The following ATXN8OS variants were observed in gnomAD, a reference collection of about 807,000 sequenced individuals.
ATXN8OS encodes ATXN8 opposite strand (non-protein coding).
intron 1 of ATXN8OS, among the ~76,000 whole-genome samples, chr13:70,108,942 G>A: frequency 6.6e-6 from 1 of 152,206 alleles, no homozygotes; most frequent in East Asian, 1.9e-4. Context: ...TGGGGCCAGA[G>A]GCGTACGGTA....
intron 3 of ATXN8OS, among the ~76,000 whole-genome samples, chr13:70,141,821 G>A (rs1440340407): frequency 6.6e-6 from 1 of 151,664 alleles, no homozygotes; most frequent in South Asian, 2.1e-4. Context: ...TGTTTCAGAA[G>A]GTCAGTATGA....
Position 70,139,436 on chromosome 13 carries a change from T to A in ATXN8OS, n.500-7919T>A, listed in dbSNP as rs538173757. The A allele has an allele frequency of 1.4e-4, 109 of 757,358 alleles. 7 individuals carry two copies. The highest frequency in any genetic ancestry group is 7.5e-4 in the African/African-American group (43 of 57,472). 46.9% of individuals were successfully genotyped at this position (757,358 alleles called of 1,614,324 possible). On this transcript the variant is annotated intron_variant and non_coding_transcript_variant, in intron 3 of 4. Coordinates refer to ENST00000678624, the Ensembl canonical transcript of ATXN8OS. ...CTGCTGCTGCTGCTGCTGCATTTTTTAAAAATATATTATCTTATTTTACTA... is the reference window on the plus strand; with the variant it reads ...CTGCTGCTGCTGCTGCTGCATTTTTAAAAAATATATTATCTTATTTTACTA...
intron 4 of ATXN8OS, among the ~76,000 whole-genome samples, chr13:70,156,120 G>A (rs1032138414): frequency 6.8e-6 from 1 of 146,414 alleles, no homozygotes; most frequent in African/African-American, 2.6e-5. Context: ...AAACAGCCTG[G>A]ACTATGCAAT....
rs866619038 is a variant in ATXN8OS at position 70,135,483 on chromosome 13, T to C, written n.499+5599T>C. Among the ~76,000 whole-genome samples the C allele has an allele frequency of 2.6e-5, 4 of 152,232 alleles. No homozygotes were observed. In the Middle Eastern group the frequency reaches 0.014, roughly 518 times the overall value. ...CCTTTTTTGATAAACTGTCTATTCC[T>C]ATGGTATACTTGGCCATCGTAATTG... On this transcript the variant is annotated intron_variant and non_coding_transcript_variant, in intron 3 of 4. Transcript: ENST00000678624.
intron 4 of ATXN8OS, among the ~76,000 whole-genome samples, chr13:70,168,669 T>G (rs1889107932): frequency 6.6e-6 from 1 of 151,916 alleles, no homozygotes; most frequent in African/African-American, 2.4e-5. Flanking sequence ...CTTATTTCGC[T>G]TAACATAACA....
chr13:70,108,192 C>T (rs1045869717), intron 1 of ATXN8OS: 3 of 396,438 alleles, frequency 7.6e-6, no homozygotes, highest in Non-Finnish European at 8.9e-6. Context: ...GTCTGGAGAG[C>T]GCAGAGAGAA....
chr13:70,120,037 G>T lies in ATXN8OS; in HGVS notation n.398+4739G>T, dbSNP rs79149303. ...AGTAGTAGTTCAACTCATGTGACACGTAAGAATTGATAGGCATTAAAAAGG... is the reference window on the plus strand; with the variant it reads ...AGTAGTAGTTCAACTCATGTGACACTTAAGAATTGATAGGCATTAAAAAGG... On this transcript the variant is annotated intron_variant and non_coding_transcript_variant, in intron 2 of 4. Coordinates refer to ENST00000678624, the Ensembl canonical transcript of ATXN8OS. Among the ~76,000 whole-genome samples, 79 of 152,158 alleles carry T rather than the reference G, an allele frequency of 5.2e-4. 1 individual carries two copies. In the South Asian group the frequency reaches 0.016, roughly 31 times the overall value.
chr13:70,120,029 T>C (rs1888335317), intron 2 of ATXN8OS, among the ~76,000 whole-genome samples: 1 of 152,148 alleles, frequency 6.6e-6, no homozygotes. Flanking sequence ...GTTCAACTCA[T>C]GTGACACGTA....
At chr13:70,149,897 G>C (rs1004194910) in intron 4 of ATXN8OS, among the ~76,000 whole-genome samples, 3 of 152,014 alleles carry the variant, frequency 2.0e-5, no homozygotes, top group South Asian at 2.1e-4. Flanking sequence ...GCTTATGTCA[G>C]TTAAAAAAAG....
chr13:70,138,198 A>G (rs1888646412), intron 3 of ATXN8OS, among the ~76,000 whole-genome samples: 1 of 152,182 alleles, frequency 6.6e-6, no homozygotes, highest in South Asian at 2.1e-4. Context: ...CATTTTGTTT[A>G]TCAGGACTAT....
chr13:70,152,592 G>A (rs1186305879), intron 4 of ATXN8OS, among the ~76,000 whole-genome samples: 1 of 151,778 alleles, frequency 6.6e-6, no homozygotes, highest in Non-Finnish European at 1.5e-5. Flanking sequence ...AATTCATCAT[G>A]CATGATGCCC....
chr13:70,170,552 A>T lies in ATXN8OS; in HGVS notation n.1373A>T, dbSNP rs955989376. 3.3e-5 allele frequency among the ~76,000 whole-genome samples: 5 copies of T among 152,268 alleles called. No individual in the cohort carries two copies. The East Asian group carries it at 9.6e-4, about 29-fold the overall frequency. On this transcript the variant is annotated non_coding_transcript_exon_variant, in exon 5 of 5. Transcript: ENST00000678624. ...TAATCAAAGTTTTACATTGGCTTTTATACTTGGAAACTTTAGACAACCTAA... is the reference window on the plus strand; with the variant it reads ...TAATCAAAGTTTTACATTGGCTTTTTTACTTGGAAACTTTAGACAACCTAA...
chr13:70,167,974 C>G (rs1889098312), intron 4 of ATXN8OS, among the ~76,000 whole-genome samples: 1 of 152,022 alleles, frequency 6.6e-6, no homozygotes, highest in Non-Finnish European at 1.5e-5. Context: ...GATCCACCCA[C>G]GTCAGTCTCC....
At chr13:70,167,723 C>CT (rs4053603) in intron 4 of ATXN8OS, among the ~76,000 whole-genome samples, 5,890 of 61,620 alleles carry the variant, frequency 0.096, 1,236 homozygotes, top group Middle Eastern at 0.12. Context: ...TATGTAACTT[C>CT]TTTTTTTTTT....
intron 2 of ATXN8OS, among the ~76,000 whole-genome samples, chr13:70,120,909 C>T (rs1222389573): frequency 4.1e-5 from 3 of 73,200 alleles, no homozygotes; most frequent in South Asian, 5.2e-4. Flanking sequence ...CATCACAAAC[C>T]GGGGCCTGTT....
At chr13:70,107,986 C>T in exon 1 of ATXN8OS, 2 of 439,492 alleles carry the variant, frequency 4.6e-6, no homozygotes, top group Non-Finnish European at 8.0e-6. Context: ...TGAGAATCCT[C>T]GATGCCCGCG....
chr13:70,145,910 A>G (rs979035985), intron 3 of ATXN8OS, among the ~76,000 whole-genome samples: 1 of 150,284 alleles, frequency 6.7e-6, no homozygotes, highest in Non-Finnish European at 1.5e-5. Context: ...AAATTGACAA[A>G]TGGGATCTAA....
At chr13:70,120,048 T>C (rs891087429) in intron 2 of ATXN8OS, among the ~76,000 whole-genome samples, 1 of 152,130 alleles carries the variant, frequency 6.6e-6, no homozygotes, top group African/African-American at 2.4e-5. Context: ...TAAGAATTGA[T>C]AGGCATTAAA....
chr13:70,132,254 G>T (rs1346181114), intron 3 of ATXN8OS, among the ~76,000 whole-genome samples: 1 of 151,100 alleles, frequency 6.6e-6, no homozygotes, highest in East Asian at 1.9e-4. Flanking sequence ...TAAAGAAAAT[G>T]TGGCATATAT....
Sources: allele counts gnomAD v4.1 joint callset (sites outside exome capture counted in the v4.1 genomes callset), GRCh38; gene constraint gnomAD v4.1.1; transcripts MANE v1.5; gene names NCBI Gene and HGNC (gene_info 2026-07-23, HGNC 2026-07-21).